TIPIN: variants seen among roughly 807,000 people sequenced by gnomAD.
TIPIN encodes TIMELESS interacting protein.
Under a neutral mutation model 35.6 loss-of-function variants are expected in TIPIN, and 29 were observed. The observed-to-expected ratio is 0.82, with a 90% CI of 0.61 to 1.11. TIPIN has a LOEUF of 1.11. Ranked by LOEUF, TIPIN falls within the 50% of genes most tolerant of loss-of-function variation. The pLI is 0.00. For synonymous variants in TIPIN, 102 were observed against 121.5 expected (o/e 0.84, Z 1.06); for missense variants, 296 against 345.4 (o/e 0.86, Z 1.13).
chr15:66,367,518 C>T (rs8040959), intron 1 of TIPIN, among the ~76,000 whole-genome samples: 8,455 of 151,556 alleles, frequency 0.056, 397 homozygotes, highest in African/African-American at 0.12. Context: ...CCTCAGCCTC[C>T]GAAGTAGCTG....
chr15:66,346,665 A>G (rs924475461), intron 6 of TIPIN, among the ~76,000 whole-genome samples: 7 of 152,326 alleles, frequency 4.6e-5, no homozygotes, highest in South Asian at 4.1e-4. Context: ...GCACCTCAAA[A>G]AGTAACCCAG....
chr15:66,345,520 GCCT>G (rs1448490778), intron 6 of TIPIN, among the ~76,000 whole-genome samples: 2 of 152,146 alleles, frequency 1.3e-5, no homozygotes. Context: ...TTTGAGACAA[GCCT>G]GGCCAACGTG....
intron 4 of TIPIN, 84 bp from the exon 5 acceptor site, chr15:66,349,521 T>G (rs753519243): frequency 1.3e-6 from 2 of 1,516,956 alleles, no homozygotes; most frequent in Non-Finnish European, 1.8e-6. Context: ...TGAAAAGCTA[T>G]GCCAAAATCA....
chr15:66,342,643 C>A (rs1212367635), intron 6 of TIPIN, among the ~76,000 whole-genome samples: 1 of 152,058 alleles, frequency 6.6e-6, no homozygotes, highest in Non-Finnish European at 1.5e-5. Flanking sequence ...AGATTACAAG[C>A]GTGAGCCAAT....
chr15:66,354,891 A>G (rs2093192980), intron 1 of TIPIN, among the ~76,000 whole-genome samples: 1 of 152,110 alleles, frequency 6.6e-6, no homozygotes. Flanking sequence ...TTTCAATATC[A>G]GGTTTTATTT....
In TIPIN at chr15:66,336,848, C is replaced by T; in HGVS notation, c.*110G>A. 2 of 800,534 alleles carry T rather than the reference C, an allele frequency of 2.5e-6. No homozygotes were observed. The highest frequency in any genetic ancestry group is 3.6e-5 in the South Asian group (2 of 55,384). 49.6% of individuals were successfully genotyped at this position (800,534 alleles called of 1,614,324 possible). A position where few individuals can be genotyped will look rare whatever the true frequency, so the allele number is the denominator to read the frequency against. On this transcript the variant is annotated 3_prime_UTR_variant, in exon 8 of 8. Coordinates refer to ENST00000261881, the MANE Select transcript of TIPIN (RefSeq NM_017858.3). ...AGATTATCAGATTTTAAACAATAAT[C>T]TATAACAGTTTTACTATCTAAGGAT...
intron 1 of TIPIN, among the ~76,000 whole-genome samples, chr15:66,376,792 G>C (rs1190355039): frequency 2.7e-5 from 4 of 150,640 alleles, no homozygotes; most frequent in African/African-American, 4.9e-5. Flanking sequence ...ACTTTAAACA[G>C]TTATTGCCAA....
intron 1 of TIPIN, among the ~76,000 whole-genome samples, chr15:66,365,082 C>T (rs115872624): frequency 4.9e-4 from 75 of 152,026 alleles, no homozygotes; most frequent in African/African-American, 1.8e-3. Flanking sequence ...GGATGAGACC[C>T]GTTGGGCTGC....
intron 1 of TIPIN, among the ~76,000 whole-genome samples, chr15:66,365,214 C>T (rs2093249065): frequency 6.6e-6 from 1 of 152,010 alleles, no homozygotes; most frequent in Non-Finnish European, 1.5e-5. Context: ...AAAAGCCAGC[C>T]AAAACCCACC....
intron 1 of TIPIN, among the ~76,000 whole-genome samples, chr15:66,354,424 T>A (rs1344756877): frequency 1.3e-5 from 2 of 152,194 alleles, no homozygotes; most frequent in Admixed American, 1.3e-4. Context: ...CTTGAATCTG[T>A]CTATTTCTCC....
At chr15:66,342,321 A>C (rs2093094621) in intron 6 of TIPIN, among the ~76,000 whole-genome samples, 1 of 152,218 alleles carries the variant, frequency 6.6e-6, no homozygotes, top group Non-Finnish European at 1.5e-5. Flanking sequence ...AACACATTTC[A>C]ATAGTTTCCC....
intron 1 of TIPIN, among the ~76,000 whole-genome samples, chr15:66,354,494 C>T (rs932987460): frequency 2.0e-4 from 30 of 152,310 alleles, no homozygotes; most frequent in African/African-American, 7.2e-4. Context: ...CTCTCATCCA[C>T]TCGTCTCCTT....
chr15:66,383,129 A>G (rs1177305041), intron 1 of TIPIN: 1 of 376,140 alleles, frequency 2.7e-6, no homozygotes, highest in African/African-American at 2.2e-5. Context: ...TGCATTTTAC[A>G]CAGAGTGGAA....
At position 66,349,059 on chromosome 15, in the gene TIPIN, C is replaced by T. The variant is rs367999632; in HGVS notation, c.475+1G>A. ...TAAAGTAGATAAACCTATATTCTTA[C>T]CATTATTGCTAACAAAATCTTCATG... On this transcript the variant is annotated splice_donor_variant, in intron 6 of 7. Coordinates refer to ENST00000261881, the MANE Select transcript of TIPIN (RefSeq NM_017858.3). LOFTEE classifies it high-confidence loss of function. The T allele has an allele frequency of 1.6e-5, 26 of 1,606,648 alleles. No individual in the cohort carries two copies. Among genetic ancestry groups the T allele is most frequent in the Non-Finnish European group, 2.2e-5 (26 of 1,175,242 alleles).
At chr15:66,371,577 G>A (rs1410957214) in intron 1 of TIPIN, among the ~76,000 whole-genome samples, 1 of 150,768 alleles carries the variant, frequency 6.6e-6, no homozygotes, top group African/African-American at 2.4e-5. Context: ...GCAGTGGCGC[G>A]ATCTCGGCTC....
In TIPIN at chr15:66,378,280, C is replaced by T. The variant is rs560757747; in HGVS notation, c.-9+8327G>A. ...CTTCCCAAAGTGCTGGGATTATAGG[C>T]GTGAGCCACCGCACCCGGCCAAATT... On this transcript the variant is annotated intron_variant, in intron 1 of 7. Coordinates refer to the TIPIN transcript ENST00000562124. Among the ~76,000 whole-genome samples, 142 of 151,788 alleles carry T rather than the reference C, an allele frequency of 9.4e-4. 1 individual carries two copies. Among genetic ancestry groups the T allele is most frequent in the Middle Eastern group, 6.8e-3 (2 of 294 alleles).
Position 66,379,651 on chromosome 15 carries a change from G to A in TIPIN, c.-9+6956C>T, listed in dbSNP as rs899687167. The A allele has an allele frequency of 5.6e-6, 9 of 1,609,946 alleles. No individual in the cohort carries two copies. In the East Asian group the frequency reaches 6.7e-5, roughly 12 times the overall value. On this transcript the variant is annotated intron_variant, in intron 1 of 7. Transcript: ENST00000562124. ...GCATACACAGACCTCATCTTGTAAC[G>A]GAAGCCCAGTGTAACACCCTTGATC...
At chr15:66,377,805 T>TA (rs1466693917) in intron 1 of TIPIN, among the ~76,000 whole-genome samples, 1 of 151,894 alleles carries the variant, frequency 6.6e-6, no homozygotes, top group Non-Finnish European at 1.5e-5. Context: ...GACTCCCGAG[T>TA]AGCAGGGACT....
intron 1 of TIPIN, among the ~76,000 whole-genome samples, chr15:66,382,521 T>C (rs1415764803): frequency 6.6e-6 from 1 of 152,118 alleles, no homozygotes; most frequent in Non-Finnish European, 1.5e-5. Flanking sequence ...ACTGCAGGCA[T>C]GTGCCACTAT....
Sources: gnomAD v4.1 joint callset for allele counts (sites outside exome capture counted in the v4.1 genomes callset) on GRCh38, gnomAD v4.1.1 for gene constraint, MANE v1.5 for transcripts, NCBI Gene and HGNC (gene_info 2026-07-23, HGNC 2026-07-21) for gene names.